INPP4B: variants seen among roughly 807,000 people sequenced by gnomAD.
INPP4B encodes the protein inositol polyphosphate-4-phosphatase type II B.
In INPP4B, 55 loss-of-function variants were observed where a neutral mutation model predicts 122.5. That is an observed-to-expected ratio of 0.45 (90% CI 0.36 to 0.56). The LOEUF (loss-of-function observed/expected upper bound fraction) is 0.56, where lower values mean the gene tolerates loss of function less well. INPP4B is among the 20% of genes least tolerant of loss of function. The probability of loss-of-function intolerance (pLI) is 0.00; values close to 1 mark genes in which losing one functional copy is unlikely to be tolerated. For missense variants in INPP4B, 1,000 were observed against 1,097.7 expected (o/e 0.91, Z 1.26); for synonymous variants, 403 against 388.7 (o/e 1.04, Z -0.43).
At chr4:142,133,765 G>C (rs1296068904) in intron 18 of INPP4B, among the ~76,000 whole-genome samples, 1 of 152,034 alleles carries the variant, frequency 6.6e-6, no homozygotes, top group Non-Finnish European at 1.5e-5. Flanking sequence ...ATGCTTCAAG[G>C]CTGCTGTAAT....
At chr4:142,619,303 A>G (rs1744379194) in intron 2 of INPP4B, among the ~76,000 whole-genome samples, 1 of 152,098 alleles carries the variant, frequency 6.6e-6, no homozygotes, top group East Asian at 1.9e-4. Context: ...CTCACTGAGC[A>G]TGATTCACAA....
At chr4:142,451,054 A>C (rs1260838969) in intron 3 of INPP4B, among the ~76,000 whole-genome samples, 1 of 151,950 alleles carries the variant, frequency 6.6e-6, no homozygotes, top group Non-Finnish European at 1.5e-5. Context: ...GAAAAGTGAA[A>C]ATCAAAACAC....
At chr4:142,640,853 T>C (rs931286180) in intron 2 of INPP4B, among the ~76,000 whole-genome samples, 2 of 152,030 alleles carry the variant, frequency 1.3e-5, no homozygotes, top group African/African-American at 4.8e-5. Flanking sequence ...ATGGAAATGC[T>C]AATTAAAACT....
chr4:142,162,934 T>A (rs1261721356), intron 16 of INPP4B, among the ~76,000 whole-genome samples: 1 of 151,938 alleles, frequency 6.6e-6, no homozygotes, highest in Non-Finnish European at 1.5e-5. Context: ...AGAATCACAT[T>A]TTTTAGAAAA....
chr4:142,802,403 T>C (rs1259879888), intron 1 of INPP4B, among the ~76,000 whole-genome samples: 2 of 152,212 alleles, frequency 1.3e-5, no homozygotes, highest in African/African-American at 2.4e-5. Context: ...AGAAGCCATG[T>C]TGATATTTTG....
chr4:142,509,431 T>C (rs1358772452), intron 2 of INPP4B, among the ~76,000 whole-genome samples: 2 of 151,990 alleles, frequency 1.3e-5, no homozygotes, highest in Non-Finnish European at 2.9e-5. Flanking sequence ...TCTGTGTCCA[T>C]GTGTTCTCAT....
intron 2 of INPP4B, among the ~76,000 whole-genome samples, chr4:142,634,975 A>G (rs990419295): frequency 6.6e-6 from 1 of 152,186 alleles, no homozygotes; most frequent in South Asian, 2.1e-4. Context: ...ACGAAGGTCT[A>G]ATATCCAGCA....
intron 2 of INPP4B, among the ~76,000 whole-genome samples, chr4:142,635,199 A>T (rs568426293): frequency 1.3e-4 from 19 of 148,196 alleles, no homozygotes; most frequent in African/African-American, 4.9e-4. Context: ...TTAAAAAGTT[A>T]AAAAAATAAC....
At chr4:142,567,282 G>A (rs1731819279) in intron 2 of INPP4B, among the ~76,000 whole-genome samples, 1 of 152,112 alleles carries the variant, frequency 6.6e-6, no homozygotes, top group Non-Finnish European at 1.5e-5. Flanking sequence ...CTGAGGTCAG[G>A]TCAGAGGGTG....
intron 14 of INPP4B, among the ~76,000 whole-genome samples, chr4:142,199,633 A>C (rs577017180): frequency 6.6e-6 from 1 of 152,124 alleles, no homozygotes; most frequent in South Asian, 2.1e-4. Flanking sequence ...AGCTCCTCCG[A>C]TCTATAACAG....
At chr4:142,834,168 C>G (rs1185787821) in intron 1 of INPP4B, among the ~76,000 whole-genome samples, 1 of 152,024 alleles carries the variant, frequency 6.6e-6, no homozygotes, top group East Asian at 1.9e-4. Context: ...TAAGCCATCT[C>G]AAATCATTTT....
chr4:142,369,823 T>C (rs1338903044), intron 7 of INPP4B, among the ~76,000 whole-genome samples: 1 of 149,352 alleles, frequency 6.7e-6, no homozygotes, highest in Non-Finnish European at 1.5e-5. Context: ...CCCAGCTACT[T>C]GGGAGGCTGA....
chr4:142,656,811 G>A (rs1754239332), intron 2 of INPP4B, among the ~76,000 whole-genome samples: 2 of 151,766 alleles, frequency 1.3e-5, no homozygotes, highest in Non-Finnish European at 2.9e-5. Flanking sequence ...TTTCCTTTTA[G>A]AAGATGTTTT....
chr4:142,815,639 A>G (rs1780029922), intron 1 of INPP4B, among the ~76,000 whole-genome samples: 1 of 152,136 alleles, frequency 6.6e-6, no homozygotes, highest in Non-Finnish European at 1.5e-5. Flanking sequence ...TCTAGTTGTC[A>G]TTAGATTTTT....
intron 2 of INPP4B, among the ~76,000 whole-genome samples, chr4:142,643,889 T>C (rs1751121726): frequency 6.6e-6 from 1 of 152,142 alleles, no homozygotes; most frequent in African/African-American, 2.4e-5. Context: ...AGTGGAAAGC[T>C]ACATCAACTC....
In INPP4B at chr4:142,116,238, C is replaced by T. The variant is rs139602522; in HGVS notation, c.2136-3556G>A. Among the ~76,000 whole-genome samples, 111 of 152,188 alleles carry T rather than the reference C, an allele frequency of 7.3e-4. 1 individual carries two copies. The East Asian group carries it at 0.012, about 16-fold the overall frequency. On this transcript the variant is annotated intron_variant, in intron 21 of 25. Coordinates refer to ENST00000262992, the MANE Select transcript of INPP4B (RefSeq NM_001101669.3). ...GGAGACTTTAACACCTCACTCTCAA[C>T]GTTAGACAGATCAAGGAGACAGAAA...
At chr4:142,470,394 C>A (rs1729840421) in intron 2 of INPP4B, among the ~76,000 whole-genome samples, 1 of 152,168 alleles carries the variant, frequency 6.6e-6, no homozygotes, top group African/African-American at 2.4e-5. Context: ...TTTCATCTAA[C>A]AAATTGGCAA....
intron 7 of INPP4B, among the ~76,000 whole-genome samples, chr4:142,336,090 G>A (rs1333336268): frequency 6.6e-6 from 1 of 152,098 alleles, no homozygotes; most frequent in Non-Finnish European, 1.5e-5. Context: ...ATCTGCTTTT[G>A]GGCTCCCTCT....
chr4:142,806,783 GAAGGAAAGAAAGAAAGAA>G (rs1778843726), intron 1 of INPP4B, among the ~76,000 whole-genome samples: 1 of 65,902 alleles, frequency 1.5e-5, no homozygotes. Flanking sequence ...AAGAAAGAAA[GAAGGAAAGAAAGAAAGAA>G]AGAAAGAAAG....
Sources: gnomAD v4.1 joint callset for allele counts (sites outside exome capture counted in the v4.1 genomes callset) on GRCh38, gnomAD v4.1.1 for gene constraint, MANE v1.5 for transcripts, NCBI Gene and HGNC (gene_info 2026-07-23, HGNC 2026-07-21) for gene names.